Variants in ERFL observed in about 807,000 individuals in gnomAD.
The protein encoded by ERFL is ETS domain-containing transcription factor ERF-like.
ERFL carries 8 observed loss-of-function variants against 27.9 expected under a neutral mutation model. That is an observed-to-expected ratio of 0.29 (90% CI 0.17 to 0.52). The LOEUF (loss-of-function observed/expected upper bound fraction) is 0.52. Ranked by LOEUF, ERFL falls within the 20% of genes least tolerant of loss-of-function variation. ERFL has a pLI of 0.97. For missense variants in ERFL, 294 were observed against 444.4 expected (o/e 0.66, Z 3.04); for synonymous variants, 174 against 202.8 (o/e 0.86, Z 1.21).
chr19:41,926,730 G>A (rs1414728659), intron 1 of ERFL, among the ~76,000 whole-genome samples: 2 of 152,164 alleles, frequency 1.3e-5, no homozygotes, highest in Non-Finnish European at 2.9e-5. Flanking sequence ...GGAGCGGGCG[G>A]GGGGGCCGTT....
At chr19:41,913,689 A>AC (rs1555851478) in intron 1 of ERFL, among the ~76,000 whole-genome samples, 2 of 132,572 alleles carry the variant, frequency 1.5e-5, no homozygotes, top group Non-Finnish European at 3.2e-5. Context: ...CCCCTGTCAG[A>AC]CCCCCTCCCT....
intron 1 of ERFL, among the ~76,000 whole-genome samples, chr19:41,925,845 TAAG>T (rs1237607666): frequency 3.3e-5 from 5 of 151,382 alleles, no homozygotes; most frequent in African/African-American, 1.2e-4. Flanking sequence ...TTGGGGTGGT[TAAG>T]GAGGTGCAAC....
chr19:41,926,597 G>A (rs1047949528), intron 1 of ERFL, among the ~76,000 whole-genome samples: 3 of 152,174 alleles, frequency 2.0e-5, no homozygotes, highest in Non-Finnish European at 4.4e-5. Context: ...GGCCCTGGGT[G>A]GGGCACAGAG....
At chr19:41,926,625 G>A (rs2074871960) in intron 1 of ERFL, among the ~76,000 whole-genome samples, 1 of 152,134 alleles carries the variant, frequency 6.6e-6, no homozygotes, top group South Asian at 2.1e-4. Context: ...TGGGCTAGGC[G>A]AGGCCTGGCC....
At chr19:41,915,618 C>CA (rs1469133185) in intron 1 of ERFL, among the ~76,000 whole-genome samples, 1 of 152,114 alleles carries the variant, frequency 6.6e-6, no homozygotes, top group African/African-American at 2.4e-5. Context: ...CCATGTCCCC[C>CA]ATCTCTGTCT....
In ERFL at chr19:41,914,854, C is replaced by T. The variant is rs183644443; in HGVS notation, c.-13-1922G>A. 1.9e-3 allele frequency among the ~76,000 whole-genome samples: 29 copies of T among 14,892 alleles called. 10 individuals carry two copies. The highest frequency in any genetic ancestry group is 3.9e-3 in the African/African-American group (10 of 2,546). The allele number at this position is 14,892 out of a possible 152,430, so 9.8% of individuals were successfully genotyped here. On this transcript the variant is annotated intron_variant, in intron 1 of 5. Transcript: ENST00000597630. ...CCTTTCCACCGTCTCTGTCTCTCCC[C>T]CCCTCCACCATCTCTGTCTCTCCCT... is the stretch of plus-strand genomic sequence containing the variant.
Position 41,908,798 on chromosome 19 carries a change from C to A in ERFL, c.617-122G>T, listed in dbSNP as rs782577363. 3.3e-5 allele frequency: 17 copies of A among 511,326 alleles called. No homozygotes were observed. The highest frequency in any genetic ancestry group is 4.8e-5 in the Non-Finnish European group (16 of 330,454). 31.7% of individuals were successfully genotyped at this position (511,326 alleles called of 1,614,324 possible). A position where few individuals can be genotyped will look rare whatever the true frequency, so the allele number is the denominator to read the frequency against. On this transcript the variant is annotated intron_variant, in intron 5 of 5. Transcript: ENST00000597630. The surrounding 1 kb of genome is among the most constrained non-coding windows in gnomAD (Gnocchi z 6.7). ...CATCCCTCCTACATGGCATCTTACCCCCTCATACAGCTTCCCCCAACTCCA... is the reference window on the plus strand; with the variant it reads ...CATCCCTCCTACATGGCATCTTACCACCTCATACAGCTTCCCCCAACTCCA...
chr19:41,916,489 GAC>G lies in ERFL; in HGVS notation c.-13-3559_-13-3558del, dbSNP rs1287790237. ...CACAGTTTTACACAAATACACACAT[GAC>G]ACATCAATTCAATCTCACACAGAAA... is the stretch of plus-strand genomic sequence containing the variant. On this transcript the variant is annotated intron_variant, in intron 1 of 5. Coordinates refer to ENST00000597630, the MANE Select transcript of ERFL (RefSeq NM_001365103.2). The surrounding 1 kb of genome is among the most constrained non-coding windows in gnomAD (Gnocchi z 5.4). Among the ~76,000 whole-genome samples the G allele has an allele frequency of 1.3e-5, 2 of 151,790 alleles. No individual in the cohort carries two copies. Among genetic ancestry groups the G allele is most frequent in the Admixed American group, 1.3e-4 (2 of 15,244 alleles).
chr19:41,914,611 TC>T (rs1197870591), intron 1 of ERFL, among the ~76,000 whole-genome samples: 15 of 46,470 alleles, frequency 3.2e-4, no homozygotes, highest in African/African-American at 1.0e-3. Flanking sequence ...TGTCTCTCCC[TC>T]CCCTTCCACC....
chr19:41,908,170 G>A lies in ERFL; in HGVS notation c.*58C>T, dbSNP rs1243664821. On this transcript the variant is annotated 3_prime_UTR_variant, in exon 6 of 6. Transcript: ENST00000597630. This position sits in a 1 kb window ranked among gnomAD's most constrained non-coding sequence, Gnocchi z 6.7. ...CCTGGGCCTTGGGCCAGGCATCAAG[G>A]GCAGACGGGCAGCCACCCTGGTCCC... The A allele has an allele frequency of 4.9e-6, 6 of 1,213,254 alleles. No individual in the cohort carries two copies. The highest frequency in any genetic ancestry group is 1.6e-5 in the African/African-American group (1 of 64,026). 75.2% of individuals were successfully genotyped at this position (1,213,254 alleles called of 1,614,324 possible). A position where few individuals can be genotyped will look rare whatever the true frequency, so the allele number is the denominator to read the frequency against.
intron 1 of ERFL, among the ~76,000 whole-genome samples, chr19:41,915,431 C>G (rs2145894325): frequency 6.6e-6 from 1 of 152,046 alleles, no homozygotes; most frequent in South Asian, 2.1e-4. Flanking sequence ...ATCTCTGGGT[C>G]TCCATGCCTC....
chr19:41,919,446 G>C (rs1555852234), intron 1 of ERFL, among the ~76,000 whole-genome samples: 2 of 151,950 alleles, frequency 1.3e-5, no homozygotes, highest in Admixed American at 6.5e-5. Flanking sequence ...CAATTGTTAT[G>C]AACCAACACT....
rs1555851979 is a variant in ERFL at position 41,916,763 on chromosome 19, C to G, written c.-13-3831G>C. 6.6e-6 allele frequency among the ~76,000 whole-genome samples: 1 copy of G among 152,070 alleles called. No individual in the cohort carries two copies. The highest frequency in any genetic ancestry group is 2.4e-5 in the African/African-American group (1 of 41,380). ...AGCACCAACCCAGACAGCCAACGCACACGGCCACACACACACCCATTCACA... is the reference window on the plus strand; with the variant it reads ...AGCACCAACCCAGACAGCCAACGCAGACGGCCACACACACACCCATTCACA... On this transcript the variant is annotated intron_variant, in intron 1 of 5. Transcript: ENST00000597630. The surrounding 1 kb of genome is among the most constrained non-coding windows in gnomAD (Gnocchi z 5.4).
At chr19:41,913,958 C>A (rs1476003203) in intron 1 of ERFL, among the ~76,000 whole-genome samples, 1 of 150,812 alleles carries the variant, frequency 6.6e-6, no homozygotes, top group African/African-American at 2.4e-5. Flanking sequence ...ACCCCCCAGA[C>A]GCTCTCAAAA....
At chr19:41,922,838 G>A (rs1375669213) in intron 1 of ERFL, among the ~76,000 whole-genome samples, 2 of 152,212 alleles carry the variant, frequency 1.3e-5, no homozygotes, top group Non-Finnish European at 2.9e-5. Context: ...TGCAATCCTG[G>A]CCCGCGCACT....
Position 41,909,585 on chromosome 19 carries a change from G to A in ERFL, c.303-114C>T, listed in dbSNP as rs1382144060. 2 of 907,484 alleles carry A rather than the reference G, an allele frequency of 2.2e-6. No homozygotes were observed. Among genetic ancestry groups the A allele is most frequent in the African/African-American group, 3.4e-5 (2 of 58,668 alleles). The allele number at this position is 907,484 out of a possible 1,614,324, so 56.2% of individuals were successfully genotyped here. Reference sequence around the variant, plus strand: ...TGGTGCACAGAGCACTAGAACTTGGGGAAACTGAGGCTCACAGAAGTCCCT... The same window carrying A: ...TGGTGCACAGAGCACTAGAACTTGGAGAAACTGAGGCTCACAGAAGTCCCT... On this transcript the variant is annotated intron_variant, in intron 3 of 5. Coordinates refer to ENST00000597630, the MANE Select transcript of ERFL (RefSeq NM_001365103.2). The surrounding 1 kb of genome is among the most constrained non-coding windows in gnomAD (Gnocchi z 5.2).
At position 41,908,139 on chromosome 19, in the gene ERFL, G is replaced by T; in HGVS notation, c.*89C>A. The T allele has an allele frequency of 9.4e-7, 1 of 1,064,028 alleles. No individual in the cohort carries two copies. The highest frequency in any genetic ancestry group is 1.2e-6 in the Non-Finnish European group (1 of 834,508). 65.9% of individuals were successfully genotyped at this position (1,064,028 alleles called of 1,614,324 possible). ...TGCCCAGACCTGGGAGGTGCTGAGG[G>T]CTGGTCCTGGGCCTTGGGCCAGGCA... On this transcript the variant is annotated 3_prime_UTR_variant, in exon 6 of 6. Coordinates refer to ENST00000597630, the MANE Select transcript of ERFL (RefSeq NM_001365103.2). The surrounding 1 kb of genome is among the most constrained non-coding windows in gnomAD (Gnocchi z 6.7).
chr19:41,920,643 G>A (rs1481862887), intron 1 of ERFL, among the ~76,000 whole-genome samples: 1 of 152,208 alleles, frequency 6.6e-6, no homozygotes, highest in Non-Finnish European at 1.5e-5. Context: ...CTGTGCCCAG[G>A]AGCACGCATG....
chr19:41,928,051 T>C lies in ERFL; in HGVS notation c.-25A>G. The C allele has an allele frequency of 6.6e-6, 1 of 152,158 alleles. No homozygotes were observed. Among genetic ancestry groups the C allele is most frequent in the Non-Finnish European group, 1.5e-5 (1 of 67,992 alleles). The allele number at this position is 152,158 out of a possible 1,614,324, so 9.4% of individuals were successfully genotyped here. A position where few individuals can be genotyped will look rare whatever the true frequency, so the allele number is the denominator to read the frequency against. On this transcript the variant is annotated 5_prime_UTR_variant, in exon 1 of 6. Coordinates refer to ENST00000597630, the MANE Select transcript of ERFL (RefSeq NM_001365103.2). ...CGGCGCTCACTCACTTTCTGGGCTTTTCGCATCCGCTCCGGTCCGGGGAGA... is the reference window on the plus strand; with the variant it reads ...CGGCGCTCACTCACTTTCTGGGCTTCTCGCATCCGCTCCGGTCCGGGGAGA...
Sources: gnomAD v4.1 joint callset for allele counts (sites outside exome capture counted in the v4.1 genomes callset) on GRCh38, gnomAD v4.1.1 for gene constraint, Gnocchi (gnomAD v3.1) non-coding constraint, MANE v1.5 for transcripts, NCBI Gene and HGNC (gene_info 2026-07-23, HGNC 2026-07-21) for gene names.